ZNF804A: variants seen among roughly 807,000 people sequenced by gnomAD.
ZNF804A encodes zinc finger protein 804A.
ZNF804A carries 2 observed loss-of-function variants against 16.5 expected under a neutral mutation model. The observed-to-expected ratio is 0.12, with a 90% CI of 0.05 to 0.38. The LOEUF (loss-of-function observed/expected upper bound fraction) is 0.38. Ranked by LOEUF, ZNF804A falls within the 10% of genes least tolerant of loss-of-function variation. ZNF804A has a pLI of 0.99. For missense variants in ZNF804A, 1,473 were observed against 1,390.7 expected (o/e 1.06, Z -0.94); for synonymous variants, 534 against 489.6 (o/e 1.09, Z -1.20).
intron 1 of ZNF804A, among the ~76,000 whole-genome samples, chr2:184,633,444 C>T (rs1436803863): frequency 6.6e-6 from 1 of 152,162 alleles, no homozygotes; most frequent in Non-Finnish European, 1.5e-5. Flanking sequence ...CACAACACTA[C>T]ACTTACCCAG....
intron 1 of ZNF804A, among the ~76,000 whole-genome samples, chr2:184,662,012 C>A (rs1195854503): frequency 6.6e-6 from 1 of 152,110 alleles, no homozygotes; most frequent in African/African-American, 2.4e-5. Context: ...ATAACTGATT[C>A]TTGGGGCACA....
intron 1 of ZNF804A, among the ~76,000 whole-genome samples, chr2:184,641,994 T>C: frequency 6.6e-6 from 1 of 152,148 alleles, no homozygotes; most frequent in Non-Finnish European, 1.5e-5. Context: ...TTATCTCCTT[T>C]AACTTTTAAT....
rs886872518 is a variant in ZNF804A, at chr2:184,599,198, G to A, written c.111+128G>A. ...TCATTTTTTTATCTGGTGGGCGTGG[G>A]GTGAGAATTGGGTGTAGAAAAAGGA... On this transcript the variant is annotated intron_variant, in intron 1 of 3. Coordinates refer to ENST00000302277, the MANE Select transcript of ZNF804A (RefSeq NM_194250.2). 5.5e-6 allele frequency: 4 copies of A among 733,116 alleles called. No individual in the cohort carries two copies. In the Admixed American group the frequency reaches 9.2e-5, roughly 17 times the overall value. The allele number at this position is 733,116 out of a possible 1,614,324, so 45.4% of individuals were successfully genotyped here.
intron 1 of ZNF804A, among the ~76,000 whole-genome samples, chr2:184,754,015 ACTCT>A (rs759401945): frequency 1.4e-4 from 21 of 151,592 alleles, no homozygotes; most frequent in Non-Finnish European, 2.4e-4. Context: ...CATCTTTCTC[ACTCT>A]CTCTCTATCT....
At position 184,866,373 on chromosome 2, in the gene ZNF804A, A is replaced by G; in HGVS notation, c.116A>G (p.Tyr39Cys). The change falls in exon 2 of 4, where the codon TAT (tyrosine) becomes TGT (cysteine). Residue 39 changes from tyrosine (Y) to cysteine (C), a missense_variant. Coordinates refer to ENST00000302277, the MANE Select transcript of ZNF804A (RefSeq NM_194250.2). ...CCTTGAAATTTTATTTTTCAGGACT[A>G]TGCTGAGAAGGAAAATACCATAGCA... is the stretch of plus-strand genomic sequence containing the variant. The part of the protein sequence containing the change: ...LSKNGNKTLD[Y>C]AEKENTIAKA... The G allele has an allele frequency of 6.2e-7, 1 of 1,613,134 alleles. No homozygotes were observed. The highest frequency in any genetic ancestry group is 1.1e-5 in the South Asian group (1 of 91,058).
In ZNF804A at chr2:184,819,995, A is replaced by C. The variant is rs146120163; in HGVS notation, c.112-46374A>C. Among the ~76,000 whole-genome samples the C allele has an allele frequency of 4.0e-3, 610 of 152,228 alleles. 4 individuals carry two copies. The highest frequency in any genetic ancestry group is 0.014 in the African/African-American group (574 of 41,552). On this transcript the variant is annotated intron_variant, in intron 1 of 3. Transcript: ENST00000302277. ...ACTAAATTTTACCGGGGGTACAAAG[A>C]AGAGCTGGTATCATTTCTATTGAAA...
intron 1 of ZNF804A, among the ~76,000 whole-genome samples, chr2:184,767,522 C>T (rs1694146674): frequency 6.6e-6 from 1 of 151,972 alleles, no homozygotes; most frequent in South Asian, 2.1e-4. Context: ...GATCACAAAA[C>T]AATATGAATG....
Position 184,772,392 on chromosome 2 carries a change from C to T in ZNF804A, c.112-93977C>T, listed in dbSNP as rs889032170. On this transcript the variant is annotated intron_variant, in intron 1 of 3. Coordinates refer to ENST00000302277, the MANE Select transcript of ZNF804A (RefSeq NM_194250.2). ...TTTTCTTATAAATAACATTGTGAAA[C>T]GTCTTTCGTGACTTGCTTCTTTCAT... 2.0e-5 allele frequency among the ~76,000 whole-genome samples: 3 copies of T among 151,918 alleles called. No individual in the cohort carries two copies. In the East Asian group the frequency reaches 5.8e-4, roughly 30 times the overall value.
At position 184,598,884 on chromosome 2, in the gene ZNF804A, G is replaced by C; in HGVS notation, c.-76G>C. On this transcript the variant is annotated 5_prime_UTR_variant, in exon 1 of 4. Transcript: ENST00000302277. ...GGCGGGTTCCCAGCCCACCGTCGCC[G>C]GCCCCGGCGCGCTGCGGCTGTGGGC... 1 of 947,936 alleles carries C rather than the reference G, an allele frequency of 1.1e-6. No individual in the cohort carries two copies. The highest frequency in any genetic ancestry group is 2.2e-5 in the South Asian group (1 of 46,206). The allele number at this position is 947,936 out of a possible 1,614,324, so 58.7% of individuals were successfully genotyped here. A position where few individuals can be genotyped will look rare whatever the true frequency, so the allele number is the denominator to read the frequency against.
rs371591634 is a variant in ZNF804A at position 184,738,512 on chromosome 2, A to C, written c.112-127857A>C. On this transcript the variant is annotated intron_variant, in intron 1 of 3. Coordinates refer to ENST00000302277, the MANE Select transcript of ZNF804A (RefSeq NM_194250.2). ...GGATAATTAAATGGTTTACTGTACA[A>C]AGGCATTATTGTAAATTAGAACATA... is the stretch of plus-strand genomic sequence containing the variant. Among the ~76,000 whole-genome samples, 7 of 152,336 alleles carry C rather than the reference A, an allele frequency of 4.6e-5. 1 individual carries two copies. The East Asian group carries it at 1.4e-3, about 29-fold the overall frequency.
At chr2:184,629,409 A>G (rs1211339995) in intron 1 of ZNF804A, among the ~76,000 whole-genome samples, 2 of 152,174 alleles carry the variant, frequency 1.3e-5, no homozygotes, top group Non-Finnish European at 2.9e-5. Context: ...CATTGATAAA[A>G]TCAAGTTTTC....
chr2:184,678,589 G>A (rs1359667690), intron 1 of ZNF804A, among the ~76,000 whole-genome samples: 1 of 152,144 alleles, frequency 6.6e-6, no homozygotes, highest in African/African-American at 2.4e-5. Context: ...GAAATGAATA[G>A]TCAACAGAGA....
intron 1 of ZNF804A, among the ~76,000 whole-genome samples, chr2:184,793,837 C>T (rs1358475081): frequency 6.6e-6 from 1 of 152,104 alleles, no homozygotes; most frequent in Non-Finnish European, 1.5e-5. Flanking sequence ...TTTTCCATTC[C>T]TGAGTTACTT....
chr2:184,624,102 C>A (rs1299699989), intron 1 of ZNF804A, among the ~76,000 whole-genome samples: 1 of 151,998 alleles, frequency 6.6e-6, no homozygotes, highest in Non-Finnish European at 1.5e-5. Context: ...ATAGTGCTGG[C>A]CCATTAATAC....
intron 1 of ZNF804A, among the ~76,000 whole-genome samples, chr2:184,710,568 A>G (rs1389520166): frequency 6.6e-6 from 1 of 151,816 alleles, no homozygotes; most frequent in African/African-American, 2.4e-5. Flanking sequence ...TGTATAATAC[A>G]GTATTGTGAA....
chr2:184,717,815 G>A (rs1467966939), intron 1 of ZNF804A, among the ~76,000 whole-genome samples: 1 of 151,978 alleles, frequency 6.6e-6, no homozygotes, highest in Non-Finnish European at 1.5e-5. Context: ...ATTTCTATTT[G>A]TTTTTAACGT....
intron 2 of ZNF804A, among the ~76,000 whole-genome samples, chr2:184,920,324 C>T (rs184021373): frequency 6.6e-6 from 1 of 152,270 alleles, no homozygotes; most frequent in Non-Finnish European, 1.5e-5. Flanking sequence ...TGCTACCATG[C>T]GACTATGAGC....
chr2:184,883,378 T>C (rs1008760314), intron 2 of ZNF804A, among the ~76,000 whole-genome samples: 1 of 151,952 alleles, frequency 6.6e-6, no homozygotes, highest in African/African-American at 2.4e-5. Context: ...CCTACTGAAA[T>C]TATTACAAAA....
chr2:184,853,444 G>A (rs190151723), intron 1 of ZNF804A, among the ~76,000 whole-genome samples: 1 of 151,696 alleles, frequency 6.6e-6, no homozygotes, highest in Admixed American at 6.6e-5. Context: ...GAACAGTTGT[G>A]GTAGGAATCA....
Sources: allele counts gnomAD v4.1 joint callset (sites outside exome capture counted in the v4.1 genomes callset), GRCh38; gene constraint gnomAD v4.1.1; transcripts MANE v1.5; gene names NCBI Gene and HGNC (gene_info 2026-07-23, HGNC 2026-07-21).